PPP1R7: variants seen among roughly 807,000 people sequenced by gnomAD.
PPP1R7 encodes the protein protein phosphatase 1 regulatory subunit 22.
Under a neutral mutation model 45.2 loss-of-function variants are expected in PPP1R7, and 18 were observed. The ratio of observed to expected loss-of-function variants is 0.40; its 90% confidence interval spans 0.28 to 0.59. PPP1R7 has a LOEUF of 0.59. Among genes scored for constraint, PPP1R7 ranks in the 20% least tolerant of loss-of-function variants. PPP1R7 has a pLI of 0.46. For synonymous variants in PPP1R7, 181 were observed against 183.4 expected, an observed-to-expected ratio of 0.99 and a Z score of 0.11; for missense variants, 314 against 455.8, an observed-to-expected ratio of 0.69 and a Z score of 2.83.
Position 241,153,573 on chromosome 2 carries a change from T to TGGGGAGGAGCGG in PPP1R7, c.160_171dup (p.Arg54_Glu57dup). The stretch of plus-strand genomic sequence containing the variant: ...ACCTCAGTGAACAGAGCCTGAAGGA[T>TGGGGAGGAGCGG]GGGGAGGAGCGGGGGGAGGAGGACC... On this transcript the variant is annotated inframe_insertion, in exon 2 of 10. Transcript: ENST00000234038. 1.2e-6 allele frequency: 2 copies of TGGGGAGGAGCGG among 1,613,862 alleles called. No homozygotes were observed. Among genetic ancestry groups the TGGGGAGGAGCGG allele is most frequent in the Non-Finnish European group, 1.7e-6 (2 of 1,179,970 alleles).
At chr2:241,165,227 G>A (rs1397323451) in intron 7 of PPP1R7, among the ~76,000 whole-genome samples, 1 of 152,086 alleles carries the variant, frequency 6.6e-6, no homozygotes, top group African/African-American at 2.4e-5. Context: ...GAGCACAGGG[G>A]TGCAATCTCG....
chr2:241,158,364 T>C, intron 3 of PPP1R7, 120 bp from the exon 4 acceptor site: 2 of 865,676 alleles, frequency 2.3e-6, no homozygotes, highest in Non-Finnish European at 3.9e-6. Flanking sequence ...ATCTGTCTGC[T>C]GCAGACCCAC....
chr2:241,171,747 G>A (rs1170935918), intron 9 of PPP1R7, among the ~76,000 whole-genome samples: 1 of 152,118 alleles, frequency 6.6e-6, no homozygotes, highest in Non-Finnish European at 1.5e-5. Context: ...TTAGAATTGA[G>A]GAATTCTTGA....
Position 241,164,157 on chromosome 2 carries a change from ACCT to A in PPP1R7, c.714+760_714+762del, listed in dbSNP as rs2067656718. ...GTCTTGAACTCCTGGACTCAAGCAA[ACCT>A]CCTGCCTTGGCCTCCCAAAAAATTT... is the stretch of plus-strand genomic sequence containing the variant. On this transcript the variant is annotated intron_variant, in intron 7 of 9. Transcript: ENST00000234038. 2.0e-5 allele frequency among the ~76,000 whole-genome samples: 3 copies of A among 148,678 alleles called. No homozygotes were observed. In the South Asian group the frequency reaches 6.5e-4, roughly 32 times the overall value.
chr2:241,149,918 C>T, upstream of PPP1R7: 2 of 1,429,560 alleles, frequency 1.4e-6, no homozygotes, highest in Non-Finnish European at 1.8e-6. Context: ...CCCGCACCTG[C>T]CCGCCTGCTC....
chr2:241,157,894 G>A (rs748605536), intron 3 of PPP1R7, 32 bp downstream of exon 3: 27 of 1,599,158 alleles, frequency 1.7e-5, no homozygotes, highest in African/African-American at 2.7e-5. Flanking sequence ...AGCCTTGGGC[G>A]TGGTGATGGA....
chr2:241,168,978 A>G (rs2067768992), intron 8 of PPP1R7, among the ~76,000 whole-genome samples: 1 of 152,234 alleles, frequency 6.6e-6, no homozygotes, highest in South Asian at 2.1e-4. Context: ...GAAGGGAATG[A>G]ACTTTGTCAG....
At chr2:241,157,517 A>G (rs1291920447) in intron 2 of PPP1R7, among the ~76,000 whole-genome samples, 1 of 152,254 alleles carries the variant, frequency 6.6e-6, no homozygotes, top group East Asian at 1.9e-4. Flanking sequence ...TAACAGGTTC[A>G]AAACACATTT....
intron 9 of PPP1R7, among the ~76,000 whole-genome samples, chr2:241,174,965 G>A (rs1223356017): frequency 6.6e-6 from 1 of 152,060 alleles, no homozygotes; most frequent in Non-Finnish European, 1.5e-5. Context: ...GTGAGCCACC[G>A]CGCCCGGCCT....
At chr2:241,158,366 C>A in intron 3 of PPP1R7, 118 bp from the exon 4 acceptor site, 2 of 879,588 alleles carry the variant, frequency 2.3e-6, no homozygotes, top group African/African-American at 1.6e-5. Flanking sequence ...CTGTCTGCTG[C>A]AGACCCACCT....
At chr2:241,156,102 GT>G (rs2067450447) in intron 2 of PPP1R7, among the ~76,000 whole-genome samples, 1 of 152,192 alleles carries the variant, frequency 6.6e-6, no homozygotes, top group Non-Finnish European at 1.5e-5. Context: ...AGGCCTCCAG[GT>G]GAGAGGAGGA....
Position 241,153,496 on chromosome 2 carries a change from G to A in PPP1R7, c.73G>A (p.Glu25Lys). Reference sequence around the variant, plus strand: ...TTCAGTTGACAGGCGGGTCGAGTCTGAAGAATCCGGCGATGAAGAAGGGAA... The same window carrying A: ...TTCAGTTGACAGGCGGGTCGAGTCTAAAGAATCCGGCGATGAAGAAGGGAA... The part of the protein sequence containing the change: ...MMEVDRRVES[E>K]ESGDEEGKKH... Residue 25 changes from glutamate to lysine, a missense_variant, in exon 2 of 10, where the codon GAA becomes AAA. Physicochemically the swap from Glu to Lys is moderately conservative, Grantham distance 56. Transcript: ENST00000234038. 6.2e-7 allele frequency: 1 copy of A among 1,614,236 alleles called. No homozygotes were observed. The highest frequency in any genetic ancestry group is 8.5e-7 in the Non-Finnish European group (1 of 1,180,028).
Position 241,153,574 on chromosome 2 carries a change from G to T in PPP1R7, c.151G>T (p.Gly51Trp). 1 of 1,614,138 alleles carries T rather than the reference G, an allele frequency of 6.2e-7. No individual in the cohort carries two copies. Among genetic ancestry groups the T allele is most frequent in the Non-Finnish European group, 8.5e-7 (1 of 1,180,014 alleles). Reference sequence around the variant, plus strand: ...CCTCAGTGAACAGAGCCTGAAGGATGGGGAGGAGCGGGGGGAGGAGGACCC... The same window carrying T: ...CCTCAGTGAACAGAGCCTGAAGGATTGGGAGGAGCGGGGGGAGGAGGACCC... ...ADLSEQSLKD[G>W]EERGEEDPEE... Residue 51 changes from glycine (G) to tryptophan (W), a missense_variant, in exon 2 of 10, where the codon GGG becomes TGG. By Grantham distance (184) the Gly-to-Trp change is radical. Transcript: ENST00000234038.
intron 1 of PPP1R7, among the ~76,000 whole-genome samples, chr2:241,151,090 C>A (rs1046058873): frequency 1.3e-5 from 2 of 152,174 alleles, no homozygotes; most frequent in African/African-American, 4.8e-5. Flanking sequence ...ATTCAACTTT[C>A]TTCCTCCTCA....
At chr2:241,153,745 G>T in intron 2 of PPP1R7, 141 bp downstream of exon 2, 1 of 1,066,556 alleles carries the variant, frequency 9.4e-7, no homozygotes, top group Admixed American at 2.9e-5. Flanking sequence ...GTGGCCCAGG[G>T]CAGGTGGATA....
Position 241,183,627 on chromosome 2 carries a change from T to A in PPP1R7, c.*804T>A, listed in dbSNP as rs1210159297. 5 of 311,076 alleles carry A rather than the reference T, an allele frequency of 1.6e-5. 1 individual carries two copies. Among genetic ancestry groups the A allele is most frequent in the South Asian group, 7.4e-5 (3 of 40,384 alleles). 19.3% of individuals were successfully genotyped at this position (311,076 alleles called of 1,614,324 possible). A position where few individuals can be genotyped will look rare whatever the true frequency, so the allele number is the denominator to read the frequency against. ...CACCCCATTGTTATTTTGGCTTTTTTAATATAAAATGTACATTGACAGACA... is the reference window on the plus strand; with the variant it reads ...CACCCCATTGTTATTTTGGCTTTTTAAATATAAAATGTACATTGACAGACA... On this transcript the variant is annotated 3_prime_UTR_variant, in exon 10 of 10. Coordinates refer to ENST00000234038, the MANE Select transcript of PPP1R7 (RefSeq NM_002712.3).
At chr2:241,150,762 G>A (rs921256633) in intron 1 of PPP1R7, among the ~76,000 whole-genome samples, 3 of 152,126 alleles carry the variant, frequency 2.0e-5, no homozygotes, top group African/African-American at 7.2e-5. Context: ...GAAGGACCCA[G>A]AGCTAGGGGG....
In PPP1R7 at chr2:241,153,614, C is replaced by T. The variant is rs1233656225; in HGVS notation, c.181+10C>T. 3.1e-6 allele frequency: 5 copies of T among 1,613,298 alleles called. No homozygotes were observed. The highest frequency in any genetic ancestry group is 3.4e-6 in the Non-Finnish European group (4 of 1,179,746). Reference sequence around the variant, plus strand: ...GAGGAGGACCCAGAAGGTACCAGGCCCAGCTCCCTTGGGGACATCTGCTGG... The same window carrying T: ...GAGGAGGACCCAGAAGGTACCAGGCTCAGCTCCCTTGGGGACATCTGCTGG... On this transcript the variant is annotated intron_variant, in intron 2 of 9. Transcript: ENST00000234038.
chr2:241,158,949 C>A, intron 4 of PPP1R7: 1 of 466,910 alleles, frequency 2.1e-6, no homozygotes. Flanking sequence ...GCCAACGCCT[C>A]CCTCCCCAAC....
Sources: gnomAD v4.1 joint callset for allele counts (sites outside exome capture counted in the v4.1 genomes callset) on GRCh38, gnomAD v4.1.1 for gene constraint, MANE v1.5 for transcripts, NCBI Gene and HGNC (gene_info 2026-07-23, HGNC 2026-07-21) for gene names.